Variants in KAZN observed in about 807,000 individuals in gnomAD.
The protein encoded by KAZN is kazrin, periplakin interacting protein.
Under a neutral mutation model 87.4 loss-of-function variants are expected in KAZN, and 40 were observed. The observed-to-expected ratio is 0.46, with a 90% CI of 0.36 to 0.60. KAZN has a LOEUF of 0.60. Among genes scored for constraint, KAZN ranks in the 20% least tolerant of loss-of-function variants. The pLI, the probability that KAZN is intolerant of heterozygous loss-of-function variation, is 0.00. For synonymous variants in KAZN, 466 were observed against 458.3 expected, an observed-to-expected ratio of 1.02 and a Z score of -0.22; for missense variants, 898 against 1,073.9, an observed-to-expected ratio of 0.84 and a Z score of 2.29.
chr1:14,464,543 C>CT (rs1668015033), intron 2 of KAZN, among the ~76,000 whole-genome samples: 1 of 144,812 alleles, frequency 6.9e-6, no homozygotes, highest in African/African-American at 2.7e-5. Context: ...TTTTTTTTTT[C>CT]TTTCTTTTTT....
intron 1 of KAZN, among the ~76,000 whole-genome samples, chr1:14,669,662 G>A (rs1373522467): frequency 1.3e-5 from 2 of 152,220 alleles, no homozygotes; most frequent in South Asian, 4.2e-4. Flanking sequence ...TGGGAGGATC[G>A]CTTGAGCCCA....
intron 2 of KAZN, among the ~76,000 whole-genome samples, chr1:14,327,239 C>T (rs1656500951): frequency 6.6e-6 from 1 of 152,136 alleles, no homozygotes. Flanking sequence ...ATGTCACCGT[C>T]ACTGACTTGT....
At chr1:15,104,724 A>C (rs1207415978) in intron 13 of KAZN, among the ~76,000 whole-genome samples, 1 of 152,194 alleles carries the variant, frequency 6.6e-6, no homozygotes, top group Non-Finnish European at 1.5e-5. Flanking sequence ...TCCCCCTCCC[A>C]GTGGATTCTC....
intron 1 of KAZN, among the ~76,000 whole-genome samples, chr1:14,783,777 G>A (rs1382922064): frequency 6.6e-6 from 1 of 152,162 alleles, no homozygotes; most frequent in Non-Finnish European, 1.5e-5. Context: ...GGGGCTCCTG[G>A]AAGACAGAAG....
chr1:14,281,476 A>G (rs574762245), intron 2 of KAZN, among the ~76,000 whole-genome samples: 1 of 152,264 alleles, frequency 6.6e-6, no homozygotes, highest in African/African-American at 2.4e-5. Context: ...AGACAGATAC[A>G]CCTGCATTAT....
At chr1:14,586,440 G>C (rs1216024097) in intron 2 of KAZN, among the ~76,000 whole-genome samples, 1 of 151,782 alleles carries the variant, frequency 6.6e-6, no homozygotes, top group Non-Finnish European at 1.5e-5. Context: ...AGGTCATCTG[G>C]GCAAGTTAAA....
chr1:14,519,667 AAAG>A (rs1460008625), intron 2 of KAZN, among the ~76,000 whole-genome samples: 1 of 152,174 alleles, frequency 6.6e-6, no homozygotes, highest in East Asian at 1.9e-4. Flanking sequence ...GGAGGGAAGA[AAAG>A]AGAGTAAGAG....
upstream of KAZN, among the ~76,000 whole-genome samples, chr1:14,598,186 G>A (rs1676629649): frequency 6.6e-6 from 1 of 152,158 alleles, no homozygotes; most frequent in African/African-American, 2.4e-5. This position sits in a 1 kb window ranked among gnomAD's most constrained non-coding sequence, Gnocchi z 4.2. Context: ...GGTCTGGCCT[G>A]CGGGTGGGGG....
At chr1:15,104,264 C>T in intron 13 of KAZN, 75 bp downstream of exon 13, 1 of 1,403,522 alleles carries the variant, frequency 7.1e-7, no homozygotes, top group Non-Finnish European at 9.5e-7. Flanking sequence ...GCAGATGGTC[C>T]AGCTCCCCAT....
At chr1:14,782,692 C>T (rs1392155932) in intron 1 of KAZN, among the ~76,000 whole-genome samples, 1 of 151,228 alleles carries the variant, frequency 6.6e-6, no homozygotes, top group Admixed American at 6.6e-5. Context: ...ACCTAAGTTT[C>T]TATGGAAACA....
chr1:14,401,686 G>A (rs1012596055), intron 2 of KAZN, among the ~76,000 whole-genome samples: 4 of 151,080 alleles, frequency 2.6e-5, no homozygotes, highest in Admixed American at 2.6e-4. Flanking sequence ...CTCACAATGT[G>A]GTCTCAAAAT....
intron 1 of KAZN, among the ~76,000 whole-genome samples, chr1:13,979,884 T>C (rs1382326361): frequency 7.0e-6 from 1 of 142,164 alleles, no homozygotes; most frequent in Non-Finnish European, 1.5e-5. Context: ...TGAGCCATGA[T>C]CGTGCCACTG....
At position 14,352,792 on chromosome 1, in the gene KAZN, A is replaced by G. The variant is rs189111467; in HGVS notation, c.249+172200A>G. On this transcript the variant is annotated intron_variant, in intron 2 of 16. Transcript: ENST00000636203. ...GGACATTACAAGATAAGAAAATTAC[A>G]TACCAACATATTAAAAAGGATAATA... is the stretch of plus-strand genomic sequence containing the variant. Among the ~76,000 whole-genome samples, 510 of 152,374 alleles carry G rather than the reference A, an allele frequency of 3.3e-3. 2 individuals carry two copies. Among genetic ancestry groups the G allele is most frequent in the African/African-American group, 0.012 (481 of 41,596 alleles).
chr1:15,043,096 G>A (rs1673082479), intron 3 of KAZN, among the ~76,000 whole-genome samples: 1 of 152,236 alleles, frequency 6.6e-6, no homozygotes, highest in Admixed American at 6.5e-5. Flanking sequence ...AGGAGGGCCA[G>A]CCTGGGGAGG....
intron 1 of KAZN, among the ~76,000 whole-genome samples, chr1:14,166,801 A>G (rs1645836247): frequency 6.6e-6 from 1 of 152,134 alleles, no homozygotes; most frequent in Non-Finnish European, 1.5e-5. Context: ...ATATTTGATT[A>G]TTTCCGTGTT....
intron 2 of KAZN, among the ~76,000 whole-genome samples, chr1:14,559,722 C>G (rs1256641732): frequency 6.6e-6 from 1 of 152,178 alleles, no homozygotes; most frequent in African/African-American, 2.4e-5. Flanking sequence ...CCCCCACTGT[C>G]TCCACCCCAC....
intron 2 of KAZN, among the ~76,000 whole-genome samples, chr1:14,507,658 A>G (rs939189728): frequency 3.3e-5 from 5 of 152,136 alleles, no homozygotes; most frequent in African/African-American, 9.7e-5. Flanking sequence ...TCTTCCCCAA[A>G]TTGAAACCGT....
chr1:14,003,468 G>C (rs913167045), intron 1 of KAZN, among the ~76,000 whole-genome samples: 1 of 151,808 alleles, frequency 6.6e-6, no homozygotes, highest in African/African-American at 2.4e-5. Flanking sequence ...GAAGGACTTA[G>C]ACTACTAGAT....
intron 1 of KAZN, among the ~76,000 whole-genome samples, chr1:13,989,316 C>G (rs1410171260): frequency 2.0e-5 from 3 of 151,994 alleles, no homozygotes; most frequent in Admixed American, 1.3e-4. Flanking sequence ...TTGGCACCTA[C>G]TATATAAAAA....
Sources: allele counts gnomAD v4.1 joint callset (sites outside exome capture counted in the v4.1 genomes callset), GRCh38; gene constraint gnomAD v4.1.1; non-coding constraint Gnocchi (gnomAD v3.1); transcripts MANE v1.5; gene names NCBI Gene and HGNC (gene_info 2026-07-23, HGNC 2026-07-21).